EIF2S2: variants seen among roughly 807,000 people sequenced by gnomAD.
The protein encoded by EIF2S2 is eukaryotic translation initiation factor 2 subunit 2.
Under a neutral mutation model 44.0 loss-of-function variants are expected in EIF2S2, and 4 were observed. The observed-to-expected ratio is 0.09, with a 90% CI of 0.04 to 0.21. The LOEUF (loss-of-function observed/expected upper bound fraction) is 0.21, where lower values mean the gene tolerates loss of function less well. Ranked by LOEUF, EIF2S2 falls within the 10% of genes least tolerant of loss-of-function variation. EIF2S2 has a pLI of 1.00. For synonymous variants in EIF2S2, 108 were observed against 128.3 expected (o/e 0.84, Z 1.07); for missense variants, 154 against 392.0 (o/e 0.39, Z 5.13).
chr20:34,106,513 C>G (rs923688954), intron 1 of EIF2S2, among the ~76,000 whole-genome samples: 2 of 150,344 alleles, frequency 1.3e-5, no homozygotes, highest in East Asian at 2.0e-4. Flanking sequence ...CTGAATCCAA[C>G]CTTGACCTCC....
chr20:34,106,910 G>A (rs1371322537), intron 1 of EIF2S2, among the ~76,000 whole-genome samples: 3 of 152,130 alleles, frequency 2.0e-5, no homozygotes, highest in South Asian at 2.1e-4. Context: ...GGCTGGGTGC[G>A]GTGGCTCACG....
At chr20:34,107,587 A>G (rs1265304390) in intron 1 of EIF2S2, among the ~76,000 whole-genome samples, 1 of 152,268 alleles carries the variant, frequency 6.6e-6, no homozygotes, top group Non-Finnish European at 1.5e-5. Flanking sequence ...TTTACCATTC[A>G]TAAAGCATGG....
intron 1 of EIF2S2, among the ~76,000 whole-genome samples, chr20:34,109,519 G>A (rs913510927): frequency 1.3e-5 from 2 of 151,932 alleles, no homozygotes; most frequent in African/African-American, 4.8e-5. Context: ...AAATTAGCGG[G>A]TGCAAGAGCA....
At chr20:34,092,617 A>C (rs779837092) in intron 7 of EIF2S2, among the ~76,000 whole-genome samples, 8 of 152,208 alleles carry the variant, frequency 5.3e-5, no homozygotes, top group Non-Finnish European at 1.2e-4. Context: ...CAGTGAGCCG[A>C]GACTGTGCCA....
intron 2 of EIF2S2, among the ~76,000 whole-genome samples, chr20:34,104,323 G>T (rs2034325493): frequency 6.6e-6 from 1 of 152,080 alleles, no homozygotes. Context: ...CCATCTCACA[G>T]GATCTTGGTT....
chr20:34,089,931 T>G, intron 8 of EIF2S2, 26 bp from the exon 9 acceptor site: 1 of 1,612,474 alleles, frequency 6.2e-7, no homozygotes, highest in Non-Finnish European at 8.5e-7. Flanking sequence ...CACACAGAAT[T>G]ACCTGGTGGC....
intron 3 of EIF2S2, among the ~76,000 whole-genome samples, chr20:34,101,770 G>A (rs567956129): frequency 2.0e-5 from 3 of 151,590 alleles, no homozygotes; most frequent in East Asian, 2.0e-4. Context: ...TACCTGCTGG[G>A]TTCAAGCGAT....
At chr20:34,108,084 G>T (rs1408936024) in intron 1 of EIF2S2, 2 of 152,138 alleles carry the variant, frequency 1.3e-5, no homozygotes, top group Non-Finnish European at 2.9e-5. Flanking sequence ...TTCTGGAAGG[G>T]ATTACCATCC....
At chr20:34,099,081 C>T (rs1568715525) in intron 3 of EIF2S2, among the ~76,000 whole-genome samples, 1 of 152,100 alleles carries the variant, frequency 6.6e-6, no homozygotes, top group African/African-American at 2.4e-5. Flanking sequence ...GTCAGAATCA[C>T]GGCAGAGGCC....
intron 3 of EIF2S2, among the ~76,000 whole-genome samples, chr20:34,103,248 A>G (rs905276958): frequency 1.3e-5 from 2 of 152,254 alleles, no homozygotes; most frequent in African/African-American, 4.8e-5. Context: ...GGCACACAAT[A>G]CAATATGTAA....
At position 34,090,910 on chromosome 20, in the gene EIF2S2, T is replaced by G. The variant is rs575787037; in HGVS notation, c.741-308A>C. Among the ~76,000 whole-genome samples the G allele has an allele frequency of 1.4e-3, 213 of 151,910 alleles. 1 individual carries two copies. The highest frequency in any genetic ancestry group is 4.9e-3 in the African/African-American group (204 of 41,444). ...ACTACAGGCACTCCCCACTGTGCCC[T>G]GCTAATTTTTTTTTTTTGGTAGAGA... On this transcript the variant is annotated intron_variant, in intron 7 of 8. Transcript: ENST00000374980.
chr20:34,089,839 T>C lies in EIF2S2; in HGVS notation c.893A>G (p.Tyr298Cys). ...ATGACAAGTTTCGCACTGTAGGAAA[T>C]AGAGTCGTGTGTCCTTCTGCAGGAT... Reference protein sequence around the residue: ...DTILQKDTRLYFLQCETCHSR... With the variant: ...DTILQKDTRLCFLQCETCHSR... Residue 298 changes from tyrosine (Y) to cysteine (C), a missense_variant, in exon 9 of 9, where the codon TAT becomes TGT. This residue lies in a region of EIF2S2 where 20 missense variants were observed against 167.0 expected (regional missense o/e 0.12). Coordinates refer to ENST00000374980, the MANE Select transcript of EIF2S2 (RefSeq NM_003908.5). The C allele has an allele frequency of 6.2e-7, 1 of 1,613,866 alleles. No individual in the cohort carries two copies. Among genetic ancestry groups the C allele is most frequent in the East Asian group, 2.2e-5 (1 of 44,882 alleles).
chr20:34,097,576 G>T, intron 4 of EIF2S2, 60 bp from the exon 5 acceptor site: 1 of 1,400,626 alleles, frequency 7.1e-7, no homozygotes, highest in Admixed American at 1.8e-5. Context: ...CAAAAGTGGG[G>T]TGGGTCTAGA....
At chr20:34,111,574 C>T (rs1193542449) in intron 1 of EIF2S2, among the ~76,000 whole-genome samples, 2 of 152,184 alleles carry the variant, frequency 1.3e-5, no homozygotes, top group African/African-American at 4.8e-5. Context: ...TCGTTCTAAC[C>T]CCATCACCCC....
At chr20:34,101,683 T>C (rs2034297473) in intron 3 of EIF2S2, among the ~76,000 whole-genome samples, 1 of 150,446 alleles carries the variant, frequency 6.6e-6, no homozygotes, top group Non-Finnish European at 1.5e-5. Context: ...TTCTTTTTTT[T>C]TTTTTTTTTG....
At chr20:34,096,276 G>C (rs1471952349) in intron 6 of EIF2S2, among the ~76,000 whole-genome samples, 2 of 150,578 alleles carry the variant, frequency 1.3e-5, no homozygotes, top group Non-Finnish European at 3.0e-5. Context: ...AACACAGCAA[G>C]ACCCACGTTT....
intron 3 of EIF2S2, 80 bp downstream of exon 3, chr20:34,103,382 G>C: frequency 6.9e-7 from 1 of 1,450,020 alleles, no homozygotes; most frequent in Non-Finnish European, 9.1e-7. Flanking sequence ...AGTAAGAGAT[G>C]AGTCAAAGAG....
intron 3 of EIF2S2, among the ~76,000 whole-genome samples, chr20:34,100,769 G>A (rs1318244513): frequency 2.0e-5 from 3 of 152,200 alleles, no homozygotes; most frequent in Non-Finnish European, 4.4e-5. Context: ...TTAGGATCAA[G>A]TGATGGAATG....
chr20:34,096,313 A>T (rs1009342212), intron 6 of EIF2S2, among the ~76,000 whole-genome samples: 7 of 152,134 alleles, frequency 4.6e-5, no homozygotes, highest in African/African-American at 1.2e-4. Flanking sequence ...AAATTTTTTT[A>T]AATTGGTCGG....
Sources: allele counts gnomAD v4.1 joint callset (sites outside exome capture counted in the v4.1 genomes callset), GRCh38; gene constraint gnomAD v4.1.1; regional missense constraint gnomAD v4.1.1; transcripts MANE v1.5; gene names NCBI Gene and HGNC (gene_info 2026-07-23, HGNC 2026-07-21).